The following ST8SIA5 variants were observed in gnomAD, a reference collection of about 807,000 sequenced individuals.
The protein encoded by ST8SIA5 is alpha-2,8-sialyltransferase 8E.
Under a neutral mutation model 40.2 loss-of-function variants are expected in ST8SIA5, and 24 were observed. The observed-to-expected ratio is 0.60, with a 90% CI of 0.43 to 0.84. The LOEUF is 0.84. ST8SIA5 is among the 40% of genes least tolerant of loss of function. The pLI, the probability that ST8SIA5 is intolerant of heterozygous loss-of-function variation, is 0.00. For missense variants in ST8SIA5, 465 were observed against 498.5 expected (o/e 0.93, Z 0.64); for synonymous variants, 198 against 201.8 (o/e 0.98, Z 0.16).
intron 1 of ST8SIA5, among the ~76,000 whole-genome samples, chr18:46,745,487 G>C (rs1243383507): frequency 1.3e-5 from 2 of 152,092 alleles, no homozygotes; most frequent in Non-Finnish European, 2.9e-5. Context: ...TAAATTCCTG[G>C]ACGCATACAC....
chr18:46,695,367 G>C (rs2039548172), intron 2 of ST8SIA5, among the ~76,000 whole-genome samples: 1 of 152,062 alleles, frequency 6.6e-6, no homozygotes, highest in Non-Finnish European at 1.5e-5. Context: ...AGTGGGACTT[G>C]GGCTAAGACC....
rs541979025 is a variant in ST8SIA5 at position 46,682,940 on chromosome 18, G to A, written c.570-876C>T. Among the ~76,000 whole-genome samples the A allele has an allele frequency of 5.9e-5, 9 of 152,320 alleles. No individual in the cohort carries two copies. In the South Asian group the frequency reaches 1.5e-3, roughly 25 times the overall value. On this transcript the variant is annotated intron_variant, in intron 5 of 6. Coordinates refer to ENST00000315087, the MANE Select transcript of ST8SIA5 (RefSeq NM_013305.6). Reference sequence around the variant, plus strand: ...AGCCTCCAGAAAGGAATGCAGTTCTGCAGACATCTTGATTTTAGTCCAGTG... The same window carrying A: ...AGCCTCCAGAAAGGAATGCAGTTCTACAGACATCTTGATTTTAGTCCAGTG...
intron 1 of ST8SIA5, among the ~76,000 whole-genome samples, chr18:46,709,640 A>G (rs906542406): frequency 2.6e-5 from 4 of 152,190 alleles, no homozygotes; most frequent in African/African-American, 9.6e-5. Context: ...CTAATGACAT[A>G]AGAAGATGCT....
intron 2 of ST8SIA5, among the ~76,000 whole-genome samples, chr18:46,701,275 G>A (rs1301671424): frequency 6.6e-6 from 1 of 151,404 alleles, no homozygotes; most frequent in Non-Finnish European, 1.5e-5. Flanking sequence ...CGAGTAGCTG[G>A]GATTACAGGT....
chr18:46,743,381 G>A (rs2040105986), intron 1 of ST8SIA5, among the ~76,000 whole-genome samples: 1 of 152,144 alleles, frequency 6.6e-6, no homozygotes, highest in South Asian at 2.1e-4. Flanking sequence ...TGACCTGATG[G>A]AGCTGAAAAC....
At chr18:46,749,836 G>C (rs756320464) in intron 1 of ST8SIA5, among the ~76,000 whole-genome samples, 3 of 152,120 alleles carry the variant, frequency 2.0e-5, no homozygotes, top group Non-Finnish European at 2.9e-5. Context: ...GTGGAGGCTT[G>C]GGGGGATGAT....
At position 46,745,467 on chromosome 18, in the gene ST8SIA5, T is replaced by C. The variant is rs371122396; in HGVS notation, c.131+10911A>G. Reference sequence around the variant, plus strand: ...TACGCAAATAAACTAGAAAACCTAGTAGAAATGAATAAATTCCTGGACGCA... The same window carrying C: ...TACGCAAATAAACTAGAAAACCTAGCAGAAATGAATAAATTCCTGGACGCA... On this transcript the variant is annotated intron_variant, in intron 1 of 6. Transcript: ENST00000315087. Among the ~76,000 whole-genome samples the C allele has an allele frequency of 1.2e-4, 18 of 152,184 alleles. No homozygotes were observed. In the East Asian group the frequency reaches 1.5e-3, roughly 13 times the overall value.
chr18:46,680,124 A>T lies in ST8SIA5; in HGVS notation c.1049T>A (p.Met350Lys). 1 of 1,614,222 alleles carries T rather than the reference A, an allele frequency of 6.2e-7. No homozygotes were observed. Residue 350 changes from methionine (M) to lysine (K), a missense_variant, in exon 7 of 7, where the codon ATG becomes AAG. Physicochemically the swap from Met to Lys is moderately conservative, Grantham distance 95. Transcript: ENST00000315087. Reference sequence around the variant, plus strand: ...CAGGAAGTTGAAGATCTCAGAGGGCATGGCGTGGAAGCCGGGACGCGGCTT... The same window carrying T: ...CAGGAAGTTGAAGATCTCAGAGGGCTTGGCGTGGAAGCCGGGACGCGGCTT... ...NVKPRPGFHAMPSEIFNFLHL... is the reference protein window; with the variant it reads ...NVKPRPGFHAKPSEIFNFLHL...
chr18:46,680,326 C>G lies in ST8SIA5; in HGVS notation c.847G>C (p.Val283Leu). Residue 283 changes from valine (V) to leucine (L), a missense_variant, in exon 7 of 7, where the codon GTC becomes CTC. By Grantham distance (32) the Val-to-Leu change is conservative. Coordinates refer to ENST00000315087, the MANE Select transcript of ST8SIA5 (RefSeq NM_013305.6). ...CTGAGCCAGTAGCGCGACACGTTGACCAGGTACTGCGGATGGAAGTAGTAG... is the reference window on the plus strand; with the variant it reads ...CTGAGCCAGTAGCGCGACACGTTGAGCAGGTACTGCGGATGGAAGTAGTAG... ...AVYYFHPQYL[V>L]NVSRYWLSLG... 4 of 1,614,240 alleles carry G rather than the reference C, an allele frequency of 2.5e-6. No homozygotes were observed.
chr18:46,735,221 T>C (rs916974383), intron 1 of ST8SIA5, among the ~76,000 whole-genome samples: 3 of 152,246 alleles, frequency 2.0e-5, no homozygotes, highest in Non-Finnish European at 4.4e-5. Flanking sequence ...GCTTCCCTAC[T>C]TTTGAGGTTT....
intron 1 of ST8SIA5, among the ~76,000 whole-genome samples, chr18:46,718,948 G>A (rs958687730): frequency 6.6e-6 from 1 of 152,122 alleles, no homozygotes; most frequent in Admixed American, 6.6e-5. Flanking sequence ...TTTAAAGAAG[G>A]CAGAAGCTGC....
chr18:46,739,515 C>T (rs2040068050), intron 1 of ST8SIA5, among the ~76,000 whole-genome samples: 1 of 152,218 alleles, frequency 6.6e-6, no homozygotes, highest in South Asian at 2.1e-4. Flanking sequence ...GCATGGGTAA[C>T]AGAGCGAGAC....
At chr18:46,730,095 T>C (rs1599141139) in intron 1 of ST8SIA5, 2 of 882,498 alleles carry the variant, frequency 2.3e-6, no homozygotes, top group Non-Finnish European at 2.7e-6. Flanking sequence ...TCAGTGCCTC[T>C]CCATCAGTCA....
At chr18:46,744,175 C>T (rs2040115481) in intron 1 of ST8SIA5, among the ~76,000 whole-genome samples, 1 of 152,138 alleles carries the variant, frequency 6.6e-6, no homozygotes, top group Admixed American at 6.6e-5. Context: ...AAAATAACCA[C>T]CTAACATCAT....
intron 1 of ST8SIA5, among the ~76,000 whole-genome samples, chr18:46,744,089 G>A (rs568985913): frequency 2.8e-4 from 43 of 152,238 alleles, no homozygotes; most frequent in East Asian, 2.5e-3. Context: ...AGGAACAACC[G>A]GTACCAGCCA....
intron 1 of ST8SIA5, among the ~76,000 whole-genome samples, chr18:46,707,927 T>A (rs1022704893): frequency 4.6e-5 from 7 of 152,190 alleles, no homozygotes; most frequent in African/African-American, 1.7e-4. Context: ...GAGCAATACA[T>A]TTCTGTTGTT....
chr18:46,673,431 G>A lies in ST8SIA5; in HGVS notation c.*6611C>T, dbSNP rs2144443655. 6.6e-6 allele frequency: 1 copy of A among 152,196 alleles called. No individual in the cohort carries two copies. 9.4% of individuals were successfully genotyped at this position (152,196 alleles called of 1,614,324 possible). A position where few individuals can be genotyped will look rare whatever the true frequency, so the allele number is the denominator to read the frequency against. On this transcript the variant is annotated 3_prime_UTR_variant, in exon 7 of 7. Coordinates refer to ENST00000315087, the MANE Select transcript of ST8SIA5 (RefSeq NM_013305.6). Reference sequence around the variant, plus strand: ...CATTCTTTTCCTACTCAAGGCTCCAGTCTGAATTTCAAGCCATACATGGCC... The same window carrying A: ...CATTCTTTTCCTACTCAAGGCTCCAATCTGAATTTCAAGCCATACATGGCC...
intron 6 of ST8SIA5, 141 bp from the exon 7 acceptor site, chr18:46,680,651 T>G (rs2039385351): frequency 2.4e-6 from 2 of 844,974 alleles, no homozygotes; most frequent in South Asian, 1.8e-5. Flanking sequence ...CTCACGCACC[T>G]GTGCAGATGA....
intron 1 of ST8SIA5, among the ~76,000 whole-genome samples, chr18:46,718,638 A>G (rs779418041): frequency 6.6e-6 from 1 of 152,012 alleles, no homozygotes; most frequent in Non-Finnish European, 1.5e-5. Context: ...GCTTGAGTAT[A>G]TACAATGTAT....
Sources: allele counts gnomAD v4.1 joint callset (sites outside exome capture counted in the v4.1 genomes callset), GRCh38; gene constraint gnomAD v4.1.1; transcripts MANE v1.5; gene names NCBI Gene and HGNC (gene_info 2026-07-23, HGNC 2026-07-21).